GLT1D1: variants seen among roughly 807,000 people sequenced by gnomAD.
GLT1D1 encodes the protein glycosyltransferase 1 domain-containing protein 1.
Under a neutral mutation model 28.7 loss-of-function variants are expected in GLT1D1, and 21 were observed. The ratio of observed to expected loss-of-function variants is 0.73; its 90% confidence interval spans 0.52 to 1.05. GLT1D1 has a LOEUF of 1.05. Among genes scored for constraint, GLT1D1 ranks in the 50% least tolerant of loss-of-function variants. The pLI is 0.00. For missense variants in GLT1D1, 343 were observed against 330.6 expected, an observed-to-expected ratio of 1.04 and a Z score of -0.29; for synonymous variants, 147 against 124.8, an observed-to-expected ratio of 1.18 and a Z score of -1.19.
chr12:128,965,013 G>A (rs1389570809), intron 7 of GLT1D1, among the ~76,000 whole-genome samples: 1 of 152,254 alleles, frequency 6.6e-6, no homozygotes, highest in Non-Finnish European at 1.5e-5. Flanking sequence ...ATGGGACATA[G>A]AGGAGTGTGG....
intron 4 of GLT1D1, among the ~76,000 whole-genome samples, chr12:128,909,273 G>A (rs1461301341): frequency 2.6e-5 from 4 of 151,916 alleles, no homozygotes; most frequent in Non-Finnish European, 4.4e-5. Context: ...CATTGCAGGA[G>A]TTCAGTGGCA....
chr12:128,920,525 G>C (rs1342583174), intron 4 of GLT1D1, among the ~76,000 whole-genome samples: 2 of 152,130 alleles, frequency 1.3e-5, no homozygotes, highest in Non-Finnish European at 2.9e-5. Flanking sequence ...TTGCACTCCA[G>C]CCTGGACAAC....
intron 4 of GLT1D1, among the ~76,000 whole-genome samples, chr12:128,904,710 C>T (rs1479749395): frequency 6.7e-6 from 1 of 149,938 alleles, no homozygotes; most frequent in South Asian, 2.1e-4. Context: ...CTCGGCTCAC[C>T]GCAACCTGCG....
At chr12:128,956,474 C>T (rs369714798) in intron 6 of GLT1D1, among the ~76,000 whole-genome samples, 24 of 152,186 alleles carry the variant, frequency 1.6e-4, no homozygotes, top group African/African-American at 5.3e-4. Context: ...TCAAAAAATC[C>T]TAAGTCGAAT....
intron 3 of GLT1D1, among the ~76,000 whole-genome samples, chr12:128,890,302 A>G (rs752587118): frequency 2.6e-5 from 4 of 152,102 alleles, no homozygotes; most frequent in Non-Finnish European, 5.9e-5. Context: ...GTGCTGCCCA[A>G]TTCTAGAATT....
At chr12:128,878,274 C>T (rs779154890) in intron 2 of GLT1D1, among the ~76,000 whole-genome samples, 4 of 152,206 alleles carry the variant, frequency 2.6e-5, no homozygotes, top group Non-Finnish European at 5.9e-5. Context: ...CAGCATCTTC[C>T]TTTTCACCGC....
At chr12:128,977,021 C>G (rs11060050) in intron 7 of GLT1D1, among the ~76,000 whole-genome samples, 2,627 of 152,216 alleles carry the variant, frequency 0.017, 66 homozygotes, top group African/African-American at 0.058. Context: ...TGGCACAAGC[C>G]TGTAATCCCA....
chr12:128,982,168 G>A (rs1264333819), intron 7 of GLT1D1, among the ~76,000 whole-genome samples: 2 of 151,964 alleles, frequency 1.3e-5, no homozygotes, highest in African/African-American at 4.8e-5. Context: ...GCCGCGGGAG[G>A]AAAGGCCAGA....
chr12:128,912,544 A>AATAT, intron 4 of GLT1D1, 84 bp downstream of exon 5: 1 of 526,798 alleles, frequency 1.9e-6, no homozygotes, highest in South Asian at 3.8e-5. Context: ...ATATGTGATA[A>AATAT]ATATATATAT....
intron 4 of GLT1D1, chr12:128,945,080 G>A (rs560704708): frequency 5.5e-5 from 37 of 673,118 alleles, no homozygotes; most frequent in Non-Finnish European, 8.1e-5. Flanking sequence ...ATGTTGTCCC[G>A]GAGCAGGTCC....
At chr12:128,899,133 G>A (rs2095065744) in intron 3 of GLT1D1, 103 bp from the exon 4 acceptor site, 14 of 786,534 alleles carry the variant, frequency 1.8e-5, no homozygotes, top group Non-Finnish European at 2.9e-5. Context: ...TTTAAATTTA[G>A]TGTCTCACGT....
intron 2 of GLT1D1, among the ~76,000 whole-genome samples, chr12:128,886,386 A>G (rs545921405): frequency 6.6e-6 from 1 of 152,230 alleles, no homozygotes; most frequent in African/African-American, 2.4e-5. Flanking sequence ...CCAGTTCTGG[A>G]GAATAATTGC....
chr12:128,938,572 A>T (rs912640004), intron 4 of GLT1D1, among the ~76,000 whole-genome samples: 4 of 152,220 alleles, frequency 2.6e-5, no homozygotes, highest in Non-Finnish European at 4.4e-5. Context: ...AATGGAAATA[A>T]AGTTTCTAGA....
chr12:128,879,446 C>CTTTCTTT (rs1566096754), intron 2 of GLT1D1, among the ~76,000 whole-genome samples: 3 of 103,874 alleles, frequency 2.9e-5, no homozygotes, highest in African/African-American at 1.1e-4. Context: ...TTCTTTCTTT[C>CTTTCTTT]TTTCTTTCTT....
At chr12:128,960,217 G>A (rs1877794636) in intron 7 of GLT1D1, among the ~76,000 whole-genome samples, 1 of 152,200 alleles carries the variant, frequency 6.6e-6, no homozygotes, top group Non-Finnish European at 1.5e-5. Context: ...CTGGTTTTAT[G>A]TTGGGGGAGG....
At chr12:128,874,893 GT>G (rs1268912445) in intron 1 of GLT1D1, among the ~76,000 whole-genome samples, 1 of 152,144 alleles carries the variant, frequency 6.6e-6, no homozygotes, top group Non-Finnish European at 1.5e-5. Flanking sequence ...GTCGTAAATA[GT>G]TTTTTCCCCA....
intron 3 of GLT1D1, among the ~76,000 whole-genome samples, chr12:128,891,475 C>G (rs1869045209): frequency 6.6e-6 from 1 of 152,180 alleles, no homozygotes; most frequent in Non-Finnish European, 1.5e-5. Flanking sequence ...ATCTTTGAAT[C>G]ATTGTAGAGA....
At chr12:128,899,400 CG>C (rs1001142346) in intron 4 of GLT1D1, 113 bp downstream of exon 4, 2 of 845,042 alleles carry the variant, frequency 2.4e-6, no homozygotes, top group African/African-American at 3.3e-5. Flanking sequence ...GTGCCTGTTG[CG>C]GCCACAATAG....
chr12:128,976,544 T>A (rs970542647), intron 7 of GLT1D1, among the ~76,000 whole-genome samples: 1 of 152,182 alleles, frequency 6.6e-6, no homozygotes, highest in African/African-American at 2.4e-5. Context: ...ATCGACAAGC[T>A]GTCGTATTTG....
Sources: gnomAD v4.1 joint callset for allele counts (sites outside exome capture counted in the v4.1 genomes callset) on GRCh38, gnomAD v4.1.1 for gene constraint, MANE v1.5 for transcripts, NCBI Gene and HGNC (gene_info 2026-07-23, HGNC 2026-07-21) for gene names.